Variants in COG5 observed in about 807,000 individuals in gnomAD.
COG5 encodes the protein component of oligomeric golgi complex 5.
COG5 carries 86 observed loss-of-function variants against 110.4 expected under a neutral mutation model. The observed-to-expected ratio is 0.78, with a 90% CI of 0.65 to 0.93. The LOEUF (loss-of-function observed/expected upper bound fraction) is 0.93, where lower values mean the gene tolerates loss of function less well. COG5 is among the 40% of genes least tolerant of loss of function. The pLI is 0.00. For synonymous variants in COG5, 360 were observed against 334.6 expected, an observed-to-expected ratio of 1.08 and a Z score of -0.83; for missense variants, 1,077 against 987.0, an observed-to-expected ratio of 1.09 and a Z score of -1.22.
chr7:107,466,588 T>C (rs1380709658), intron 6 of COG5, among the ~76,000 whole-genome samples: 2 of 152,180 alleles, frequency 1.3e-5, no homozygotes, highest in Non-Finnish European at 2.9e-5. Flanking sequence ...TGTTGTTGAT[T>C]CTCTACGACT....
intron 10 of COG5, among the ~76,000 whole-genome samples, chr7:107,340,536 C>T (rs528627143): frequency 6.0e-4 from 92 of 152,204 alleles, no homozygotes; most frequent in African/African-American, 2.1e-3. Flanking sequence ...TAATATGATG[C>T]CAGCATCACC....
chr7:107,422,806 A>G lies in COG5; in HGVS notation c.539-10174T>C, dbSNP rs1033885056. 1.2e-4 allele frequency among the ~76,000 whole-genome samples: 17 copies of G among 142,274 alleles called. No individual in the cohort carries two copies. The East Asian group carries it at 2.2e-3, about 18-fold the overall frequency. 93.3% of individuals were successfully genotyped at this position (142,274 alleles called of 152,430 possible). A position where few individuals can be genotyped will look rare whatever the true frequency, so the allele number is the denominator to read the frequency against. ...ACCTTAGATTTAAGTGACTTCTGGAACATTATTCTCCTTGGCTTCTGGAAC... is the reference window on the plus strand; with the variant it reads ...ACCTTAGATTTAAGTGACTTCTGGAGCATTATTCTCCTTGGCTTCTGGAAC... On this transcript the variant is annotated intron_variant, in intron 6 of 21. Transcript: ENST00000297135.
At chr7:107,229,183 G>A (rs1179436379) in intron 19 of COG5, among the ~76,000 whole-genome samples, 1 of 152,134 alleles carries the variant, frequency 6.6e-6, no homozygotes, top group Non-Finnish European at 1.5e-5. Context: ...AGGCGCAGTG[G>A]CTCACGCCTG....
intron 7 of COG5, among the ~76,000 whole-genome samples, chr7:107,373,007 T>C (rs1224809079): frequency 6.6e-6 from 1 of 152,106 alleles, no homozygotes; most frequent in East Asian, 1.9e-4. Context: ...TGTCCTCCTT[T>C]AAAAAATAAC....
At chr7:107,288,303 A>T (rs1805817294) in intron 12 of COG5, among the ~76,000 whole-genome samples, 1 of 152,196 alleles carries the variant, frequency 6.6e-6, no homozygotes, top group Admixed American at 6.5e-5. Flanking sequence ...TAGAGGATGC[A>T]GTGAGCTGTG....
chr7:107,202,907 G>T lies in COG5; in HGVS notation c.*609C>A, dbSNP rs904702211. 6.6e-6 allele frequency: 1 copy of T among 152,434 alleles called. No individual in the cohort carries two copies. Among genetic ancestry groups the T allele is most frequent in the African/African-American group, 2.4e-5 (1 of 41,260 alleles). 9.4% of individuals were successfully genotyped at this position (152,434 alleles called of 1,614,324 possible). A position where few individuals can be genotyped will look rare whatever the true frequency, so the allele number is the denominator to read the frequency against. On this transcript the variant is annotated 3_prime_UTR_variant, in exon 22 of 22. Coordinates refer to ENST00000297135, the MANE Select transcript of COG5 (RefSeq NM_006348.5). Reference sequence around the variant, plus strand: ...ATACTTAAAAAGGCCATTTAACCTTGTATCTTAGCTTGGGATGTGCCAGTG... The same window carrying T: ...ATACTTAAAAAGGCCATTTAACCTTTTATCTTAGCTTGGGATGTGCCAGTG...
intron 6 of COG5, among the ~76,000 whole-genome samples, chr7:107,424,521 GA>G (rs949842607): frequency 1.1e-5 from 1 of 94,244 alleles, no homozygotes; most frequent in Non-Finnish European, 2.3e-5. Context: ...TTTTTTTTTT[GA>G]AAAAAAGAAA....
At chr7:107,502,820 G>T (rs185815904) in intron 6 of COG5, among the ~76,000 whole-genome samples, 1 of 152,224 alleles carries the variant, frequency 6.6e-6, no homozygotes, top group African/African-American at 2.4e-5. Flanking sequence ...CTTCTTTTGA[G>T]AAATGTCTAT....
At chr7:107,469,981 C>A (rs1355061888) in intron 6 of COG5, 2 of 152,084 alleles carry the variant, frequency 1.3e-5, no homozygotes, top group Non-Finnish European at 2.9e-5. Flanking sequence ...ACAGTTTAAG[C>A]CCAATACAAC....
intron 6 of COG5, among the ~76,000 whole-genome samples, chr7:107,454,987 G>A (rs1466563811): frequency 6.6e-6 from 1 of 152,146 alleles, no homozygotes; most frequent in African/African-American, 2.4e-5. Flanking sequence ...TAAAGAAAAT[G>A]TTGCCAAGAT....
chr7:107,533,175 A>G (rs1801335006), intron 5 of COG5, among the ~76,000 whole-genome samples: 1 of 151,652 alleles, frequency 6.6e-6, no homozygotes, highest in Non-Finnish European at 1.5e-5. Flanking sequence ...ACCAACAGCA[A>G]AGACCAAAAG....
At chr7:107,561,217 C>T (rs555485773) in intron 1 of COG5, among the ~76,000 whole-genome samples, 10 of 152,260 alleles carry the variant, frequency 6.6e-5, no homozygotes, top group African/African-American at 2.2e-4. Context: ...CCATAGAGGG[C>T]ATATCAGAAA....
At chr7:107,504,926 GT>G (rs779738252) in intron 6 of COG5, among the ~76,000 whole-genome samples, 4 of 151,828 alleles carry the variant, frequency 2.6e-5, no homozygotes, top group Non-Finnish European at 4.4e-5. Flanking sequence ...TATCCATTTT[GT>G]TTATCTCTCA....
chr7:107,557,452 CA>C, intron 2 of COG5, among the ~76,000 whole-genome samples: 1 of 152,000 alleles, frequency 6.6e-6, no homozygotes, highest in East Asian at 1.9e-4. Context: ...GATTAAAAAA[CA>C]AAAAAGCAAG....
chr7:107,457,084 T>C (rs1795707949), intron 6 of COG5, among the ~76,000 whole-genome samples: 3 of 151,892 alleles, frequency 2.0e-5, no homozygotes, highest in Non-Finnish European at 2.9e-5. Flanking sequence ...TTATTAGAAA[T>C]ACTAGAATGC....
At chr7:107,537,892 T>C (rs1365583931) in intron 5 of COG5, among the ~76,000 whole-genome samples, 1 of 152,126 alleles carries the variant, frequency 6.6e-6, no homozygotes, top group East Asian at 1.9e-4. Context: ...GAGATACTAC[T>C]TCATACCCAA....
At chr7:107,386,793 T>G (rs1369019888) in intron 7 of COG5, among the ~76,000 whole-genome samples, 1 of 152,116 alleles carries the variant, frequency 6.6e-6, no homozygotes, top group Non-Finnish European at 1.5e-5. Context: ...AACAACATTA[T>G]GCACAAGGGC....
intron 6 of COG5, among the ~76,000 whole-genome samples, chr7:107,449,083 TCAAA>T (rs1278385890): frequency 6.6e-6 from 1 of 151,558 alleles, no homozygotes; most frequent in Non-Finnish European, 1.5e-5. Flanking sequence ...AGTACGAAAA[TCAAA>T]CACCACATGT....
intron 10 of COG5, among the ~76,000 whole-genome samples, chr7:107,359,535 G>C (rs967576438): frequency 6.6e-6 from 1 of 152,196 alleles, no homozygotes; most frequent in African/African-American, 2.4e-5. Context: ...CAACATTTAA[G>C]CCAGGGATCT....
Sources: allele counts gnomAD v4.1 joint callset (sites outside exome capture counted in the v4.1 genomes callset), GRCh38; gene constraint gnomAD v4.1.1; transcripts MANE v1.5; gene names NCBI Gene and HGNC (gene_info 2026-07-23, HGNC 2026-07-21).